SLIT1: variants seen among roughly 807,000 people sequenced by gnomAD.
SLIT1 encodes the protein slit homolog 1 protein.
Under a neutral mutation model 186.1 loss-of-function variants are expected in SLIT1, and 66 were observed. The ratio of observed to expected loss-of-function variants is 0.35; its 90% CI spans 0.29 to 0.44. The LOEUF (loss-of-function observed/expected upper bound fraction) is 0.44. SLIT1 is among the 20% of genes least tolerant of loss of function. The pLI is 1.00. For missense variants in SLIT1, 1,638 were observed against 2,037.4 expected (o/e 0.80, Z 3.77); for synonymous variants, 761 against 833.8 (o/e 0.91, Z 1.50).
In SLIT1 at chr10:97,031,602, T is replaced by A; in HGVS notation, c.2510+4A>T. 1 of 1,550,342 alleles carries A rather than the reference T, an allele frequency of 6.5e-7. No individual in the cohort carries two copies. ...CTGGCAGGATGGTGAGTGAGGAGAC[T>A]TACAGCAGGCGCAGGGAGCGGAGTC... On this transcript the variant is annotated splice_donor_region_variant and intron_variant, in intron 24 of 36. Coordinates refer to ENST00000266058, the MANE Select transcript of SLIT1 (RefSeq NM_003061.3).
intron 13 of SLIT1, among the ~76,000 whole-genome samples, chr10:97,049,651 G>T (rs147098259): frequency 3.0e-4 from 45 of 152,298 alleles, no homozygotes; most frequent in African/African-American, 9.6e-4. Context: ...GAGGGATGAG[G>T]CCAGGGTGGC....
intron 34 of SLIT1, 55 bp from the exon 35 acceptor site, chr10:97,003,047 C>T: frequency 6.4e-7 from 1 of 1,551,324 alleles, no homozygotes; most frequent in Non-Finnish European, 8.8e-7. Flanking sequence ...CTATGCCGGG[C>T]ACCCACCCCT....
chr10:97,171,874 G>C (rs1212938772), intron 1 of SLIT1, among the ~76,000 whole-genome samples: 1 of 151,356 alleles, frequency 6.6e-6, no homozygotes, highest in Non-Finnish European at 1.5e-5. Context: ...GGCCTGCTCT[G>C]TGTCCACCAA....
At chr10:97,012,907 C>G (rs1006810238) in intron 30 of SLIT1, among the ~76,000 whole-genome samples, 2 of 152,096 alleles carry the variant, frequency 1.3e-5, no homozygotes, top group Non-Finnish European at 2.9e-5. Context: ...TGGGGAGGTC[C>G]CAGAAATGAG....
chr10:97,106,546 G>A (rs1335760787), intron 4 of SLIT1, among the ~76,000 whole-genome samples: 1 of 152,142 alleles, frequency 6.6e-6, no homozygotes, highest in East Asian at 1.9e-4. Flanking sequence ...CCAGTGCAGC[G>A]CAAGTGTTAT....
chr10:97,162,833 T>C (rs1045325567), intron 3 of SLIT1, among the ~76,000 whole-genome samples: 3 of 151,948 alleles, frequency 2.0e-5, no homozygotes, highest in African/African-American at 7.3e-5. Context: ...ATGTTTCTTT[T>C]TTTTTCATCG....
At chr10:97,106,022 GTTTTT>G (rs970988421) in intron 4 of SLIT1, among the ~76,000 whole-genome samples, 1 of 152,222 alleles carries the variant, frequency 6.6e-6, no homozygotes, top group Non-Finnish European at 1.5e-5. Flanking sequence ...GTTTTGTTTT[GTTTTT>G]GTCTGCAGCT....
intron 22 of SLIT1, 55 bp from the exon 23 acceptor site, chr10:97,034,597 C>A: frequency 6.8e-7 from 1 of 1,473,690 alleles, no homozygotes; most frequent in Non-Finnish European, 9.5e-7. Context: ...CCCTGGCTCA[C>A]ATTCACGGGC....
At chr10:97,012,172 CTTA>C (rs1848417578) in intron 30 of SLIT1, among the ~76,000 whole-genome samples, 1 of 149,874 alleles carries the variant, frequency 6.7e-6, no homozygotes, top group Non-Finnish European at 1.5e-5. Flanking sequence ...ACTGATTATC[CTTA>C]TTATATAAGA....
intron 4 of SLIT1, among the ~76,000 whole-genome samples, chr10:97,087,506 C>T (rs1401310318): frequency 6.6e-6 from 1 of 152,272 alleles, no homozygotes; most frequent in Non-Finnish European, 1.5e-5. Context: ...AAGGATGCAT[C>T]TGCCCTCTGC....
chr10:97,073,303 T>C (rs1437055689), intron 4 of SLIT1, among the ~76,000 whole-genome samples: 5 of 152,194 alleles, frequency 3.3e-5, no homozygotes, highest in Non-Finnish European at 5.9e-5. Flanking sequence ...GACCCAGTCA[T>C]TGCTGCCCGT....
intron 4 of SLIT1, among the ~76,000 whole-genome samples, chr10:97,096,241 A>G (rs544412708): frequency 1.3e-5 from 2 of 152,200 alleles, no homozygotes; most frequent in South Asian, 4.2e-4. Context: ...GAAATTTGAG[A>G]TGTCACTTGT....
Position 97,174,598 on chromosome 10 carries a change from A to C in SLIT1, c.198-9708T>G, listed in dbSNP as rs552455318. On this transcript the variant is annotated intron_variant, in intron 1 of 36. Coordinates refer to ENST00000266058, the MANE Select transcript of SLIT1 (RefSeq NM_003061.3). Reference sequence around the variant, plus strand: ...GGCCCATTTGCTGCCGATCCACTCCACCCTTGCGCCTGGGCTCCTGGGGAC... The same window carrying C: ...GGCCCATTTGCTGCCGATCCACTCCCCCCTTGCGCCTGGGCTCCTGGGGAC... Among the ~76,000 whole-genome samples, 4 of 152,264 alleles carry C rather than the reference A, an allele frequency of 2.6e-5. No homozygotes were observed. In the South Asian group the frequency reaches 8.3e-4, roughly 32 times the overall value.
At chr10:97,011,154 GT>G in intron 30 of SLIT1, 24 bp from the exon 31 acceptor site, 1 of 1,594,050 alleles carries the variant, frequency 6.3e-7, no homozygotes, top group Non-Finnish European at 8.6e-7. Flanking sequence ...GGCAGGGGTA[GT>G]TGGGGGGTCA....
At chr10:97,096,700 G>A (rs112345550) in intron 4 of SLIT1, among the ~76,000 whole-genome samples, 22,448 of 151,852 alleles carry the variant, frequency 0.15, 2,187 homozygotes, top group Non-Finnish European at 0.22. Flanking sequence ...GAGGGGAGGC[G>A]GAGAGCCCCC....
intron 18 of SLIT1, among the ~76,000 whole-genome samples, chr10:97,045,241 C>T (rs866870845): frequency 6.6e-6 from 1 of 151,802 alleles, no homozygotes; most frequent in Admixed American, 6.6e-5. Context: ...CCTACATTGC[C>T]AATAATTATA....
intron 4 of SLIT1, among the ~76,000 whole-genome samples, chr10:97,083,303 C>G (rs1012360570): frequency 1.3e-5 from 2 of 152,152 alleles, no homozygotes; most frequent in Non-Finnish European, 2.9e-5. Flanking sequence ...GGCATAGTAA[C>G]TTTCCCAACC....
chr10:97,130,270 G>A (rs1039692799), intron 4 of SLIT1, among the ~76,000 whole-genome samples: 2 of 152,226 alleles, frequency 1.3e-5, no homozygotes, highest in East Asian at 1.9e-4. Flanking sequence ...GGTACATACC[G>A]AAGAGGAATG....
intron 23 of SLIT1, 142 bp from the exon 24 acceptor site, chr10:97,031,819 C>T: frequency 1.5e-6 from 1 of 646,660 alleles, no homozygotes; most frequent in Non-Finnish European, 2.7e-6. Flanking sequence ...CCGGCAAGTG[C>T]ATGGGCTGGG....
Sources: allele counts gnomAD v4.1 joint callset (sites outside exome capture counted in the v4.1 genomes callset), GRCh38; gene constraint gnomAD v4.1.1; transcripts MANE v1.5; gene names NCBI Gene and HGNC (gene_info 2026-07-23, HGNC 2026-07-21).